The following DUSP14 variants were observed in gnomAD, a reference collection of about 807,000 sequenced individuals.
DUSP14 encodes the protein dual specificity phosphatase 14.
Under a neutral mutation model 13.2 loss-of-function variants are expected in DUSP14, and 5 were observed. The observed-to-expected ratio is 0.38, with a 90% CI of 0.20 to 0.80. DUSP14 has a LOEUF of 0.80. Ranked by LOEUF, DUSP14 falls within the 30% of genes least tolerant of loss-of-function variation. DUSP14 has a pLI of 0.44. For synonymous variants in DUSP14, 91 were observed against 103.4 expected (o/e 0.88, Z 0.73); for missense variants, 185 against 264.0 (o/e 0.70, Z 2.07).
chr17:37,500,782 A>G (rs2054099390), intron 1 of DUSP14, among the ~76,000 whole-genome samples: 1 of 152,100 alleles, frequency 6.6e-6, no homozygotes, highest in Non-Finnish European at 1.5e-5. Context: ...GACTTTTGCG[A>G]GCTTTTTATT....
chr17:37,498,058 AAG>A (rs2054077594), intron 1 of DUSP14, among the ~76,000 whole-genome samples: 1 of 152,070 alleles, frequency 6.6e-6, no homozygotes, highest in Non-Finnish European at 1.5e-5. Context: ...AAAAAAAAAA[AAG>A]GACAGAAATC....
At chr17:37,495,914 C>A (rs1036269662) in intron 1 of DUSP14, among the ~76,000 whole-genome samples, 1 of 151,978 alleles carries the variant, frequency 6.6e-6, no homozygotes. Context: ...TGCCTCGGAC[C>A]CCCAAAGTGC....
rs546783024 is a variant in DUSP14, at chr17:37,498,816, T to C, written c.-181+8858T>C. 3.6e-3 allele frequency among the ~76,000 whole-genome samples: 542 copies of C among 152,276 alleles called. 3 individuals are homozygous for C. The highest frequency in any genetic ancestry group is 5.1e-3 in the Non-Finnish European group (346 of 68,014). ...AGATTCCTTCTAAAAAGGTACTTAC[T>C]AGAAATGTGAATTCCCAGGCCTTCA... On this transcript the variant is annotated intron_variant, in intron 1 of 2. Coordinates refer to ENST00000617516, the MANE Select transcript of DUSP14 (RefSeq NM_007026.4).
intron 1 of DUSP14, among the ~76,000 whole-genome samples, chr17:37,496,478 G>A (rs572026362): frequency 2.0e-5 from 3 of 152,036 alleles, no homozygotes; most frequent in Admixed American, 6.5e-5. Flanking sequence ...GTGTTAGGCC[G>A]GGCACGGTAG....
At chr17:37,505,624 G>A (rs2054132634) in intron 1 of DUSP14, among the ~76,000 whole-genome samples, 1 of 149,676 alleles carries the variant, frequency 6.7e-6, no homozygotes, top group Admixed American at 6.8e-5. Context: ...GCTGATTCTG[G>A]TGGTTGTCAT....
intron 1 of DUSP14, among the ~76,000 whole-genome samples, chr17:37,504,633 A>G (rs2054125975): frequency 6.6e-6 from 1 of 152,188 alleles, no homozygotes; most frequent in African/African-American, 2.4e-5. Flanking sequence ...CCCTGGCTGG[A>G]GTGCTACAAT....
chr17:37,492,538 C>T (rs1231625995), intron 1 of DUSP14, among the ~76,000 whole-genome samples: 2 of 152,142 alleles, frequency 1.3e-5, no homozygotes, highest in Non-Finnish European at 2.9e-5. Flanking sequence ...AGGACTTTTA[C>T]CATGCTAAAG....
intron 1 of DUSP14, among the ~76,000 whole-genome samples, chr17:37,493,440 C>T (rs986839212): frequency 1.3e-5 from 2 of 152,340 alleles, no homozygotes; most frequent in African/African-American, 4.8e-5. Context: ...TACATTCCTT[C>T]AGTGGTGTCA....
intron 1 of DUSP14, among the ~76,000 whole-genome samples, chr17:37,509,015 T>A (rs1409954321): frequency 7.2e-6 from 1 of 138,042 alleles, no homozygotes; most frequent in Non-Finnish European, 1.5e-5. Flanking sequence ...GCAGAGTACT[T>A]AAGAAGTGAG....
chr17:37,511,927 C>G (rs1332128636), intron 2 of DUSP14, among the ~76,000 whole-genome samples: 1 of 54,630 alleles, frequency 1.8e-5, no homozygotes, highest in South Asian at 7.1e-4. Flanking sequence ...AGCCACCCCC[C>G]CCCCACCCCA....
intron 1 of DUSP14, among the ~76,000 whole-genome samples, chr17:37,508,082 G>A (rs1252366901): frequency 1.3e-5 from 2 of 152,238 alleles, no homozygotes; most frequent in Non-Finnish European, 2.9e-5. Flanking sequence ...TACTCCCATA[G>A]CATTAACCAG....
chr17:37,497,534 G>A (rs1176497053), intron 1 of DUSP14, among the ~76,000 whole-genome samples: 1 of 151,616 alleles, frequency 6.6e-6, no homozygotes, highest in Non-Finnish European at 1.5e-5. Context: ...GGCCTAGGGA[G>A]GTGGATGGCT....
At chr17:37,510,431 A>G (rs1216625473) in intron 1 of DUSP14, 1 of 152,044 alleles carries the variant, frequency 6.6e-6, no homozygotes, top group Admixed American at 6.5e-5. Flanking sequence ...AGAGGATGAG[A>G]TTTGTCTGTG....
chr17:37,494,611 ATG>A (rs1430676424), intron 1 of DUSP14, among the ~76,000 whole-genome samples: 2 of 152,026 alleles, frequency 1.3e-5, no homozygotes, highest in African/African-American at 4.8e-5. Flanking sequence ...GAGTGAGAGA[ATG>A]TGAGAAAGAG....
intron 1 of DUSP14, among the ~76,000 whole-genome samples, chr17:37,503,851 C>G (rs1358886829): frequency 6.6e-6 from 1 of 152,034 alleles, no homozygotes; most frequent in African/African-American, 2.4e-5. Context: ...GTGTACTGCC[C>G]CTCTCCTTCT....
chr17:37,488,615 T>C (rs2054005098), upstream of DUSP14, among the ~76,000 whole-genome samples: 2 of 152,248 alleles, frequency 1.3e-5, no homozygotes, highest in African/African-American at 4.8e-5. Flanking sequence ...TCTCTTAGAT[T>C]AATTTTGCCT....
chr17:37,495,950 G>A (rs1450641091), intron 1 of DUSP14, among the ~76,000 whole-genome samples: 6 of 152,126 alleles, frequency 3.9e-5, no homozygotes, highest in African/African-American at 7.2e-5. Context: ...GAGCCACCGC[G>A]CCCAGCCTGC....
At chr17:37,509,170 CTATATA>C (rs1225738958) in intron 1 of DUSP14, among the ~76,000 whole-genome samples, 1 of 48,226 alleles carries the variant, frequency 2.1e-5, no homozygotes, top group African/African-American at 8.0e-5. Context: ...CACACACACT[CTATATA>C]TATATGTACT....
chr17:37,491,277 C>T (rs2054026486), intron 1 of DUSP14, among the ~76,000 whole-genome samples: 2 of 152,160 alleles, frequency 1.3e-5, no homozygotes, highest in African/African-American at 2.4e-5. Flanking sequence ...AAGGAGGCAC[C>T]CCCACAGTGA....
Sources: gnomAD v4.1 joint callset for allele counts (sites outside exome capture counted in the v4.1 genomes callset) on GRCh38, gnomAD v4.1.1 for gene constraint, MANE v1.5 for transcripts, NCBI Gene and HGNC (gene_info 2026-07-23, HGNC 2026-07-21) for gene names.